The following SP140L variants were observed in gnomAD, a reference collection of about 807,000 sequenced individuals.
SP140L encodes SP140 like nuclear body protein.
In SP140L, 64 loss-of-function variants were observed where a neutral mutation model predicts 84.3. The ratio of observed to expected loss-of-function variants is 0.76; its 90% CI spans 0.62 to 0.94. The LOEUF is 0.94. Among genes scored for constraint, SP140L ranks in the 40% least tolerant of loss-of-function variants. The probability of loss-of-function intolerance (pLI) is 0.00; values close to 1 mark genes in which losing one functional copy is unlikely to be tolerated. For missense variants in SP140L, 628 were observed against 692.5 expected (o/e 0.91, Z 1.05); for synonymous variants, 242 against 236.9 (o/e 1.02, Z -0.20).
At chr2:230,359,626 A>T (rs1300798588) in intron 4 of SP140L, among the ~76,000 whole-genome samples, 1 of 152,180 alleles carries the variant, frequency 6.6e-6, no homozygotes, top group Non-Finnish European at 1.5e-5. Flanking sequence ...TCTGAGTTAT[A>T]AGAGTTATCA....
rs2059649916 is a variant in SP140L, at chr2:230,328,828, AAAGGTGATG to A, written c.107+1_107+9del. On this transcript the variant is annotated splice_donor_variant and splice_donor_5th_base_variant and coding_sequence_variant and intron_variant, in exon 2 of 19. Coordinates refer to ENST00000415673, the MANE Select transcript of SP140L (RefSeq NM_138402.6). LOFTEE classifies it high-confidence loss of function. Reference sequence around the variant, plus strand: ...CTTCCTGCACACAGCCAAAGTCTGCAAAGGTGATGAAGAATTACAATTTGTTTTAATTTG... The same window carrying A: ...CTTCCTGCACACAGCCAAAGTCTGCAAAGAATTACAATTTGTTTTAATTTG... 1 of 1,607,338 alleles carries A rather than the reference AAAGGTGATG, an allele frequency of 6.2e-7. No individual in the cohort carries two copies. Among genetic ancestry groups the A allele is most frequent in the African/African-American group, 1.3e-5 (1 of 74,812 alleles).
chr2:230,392,352 C>T lies in SP140L; in HGVS notation c.1107+123C>T. The T allele has an allele frequency of 5.5e-6, 8 of 1,454,422 alleles. No individual in the cohort carries two copies. The South Asian group carries it at 8.0e-5, about 15-fold the overall frequency. 90.1% of individuals were successfully genotyped at this position (1,454,422 alleles called of 1,614,324 possible). A position where few individuals can be genotyped will look rare whatever the true frequency, so the allele number is the denominator to read the frequency against. On this transcript the variant is annotated intron_variant, in intron 12 of 18. Coordinates refer to ENST00000415673, the MANE Select transcript of SP140L (RefSeq NM_138402.6). ...AAAGCCTTGATGCCAGTGAGTTTAT[C>T]CTCTCACTCAGGAGAGAGGGACCCC...
intron 2 of SP140L, among the ~76,000 whole-genome samples, chr2:230,354,885 G>GAAAGAAAGA (rs1575466343): frequency 8.0e-6 from 1 of 124,408 alleles, no homozygotes; most frequent in East Asian, 2.3e-4. Flanking sequence ...AAGAAAGAAA[G>GAAAGAAAGA]AAAGAAAGAA....
chr2:230,353,722 C>T (rs2060435173), intron 2 of SP140L, among the ~76,000 whole-genome samples: 1 of 151,994 alleles, frequency 6.6e-6, no homozygotes, highest in Non-Finnish European at 1.5e-5. Context: ...AGGATCATTT[C>T]TTCATGTATA....
rs1330603910 is a variant in SP140L, at chr2:230,400,941, G to T, written c.1314-14G>T. On this transcript the variant is annotated splice_polypyrimidine_tract_variant and intron_variant, in intron 15 of 18. Coordinates refer to ENST00000415673, the MANE Select transcript of SP140L (RefSeq NM_138402.6). ...AGCTCCCTGCCCTCTGCTCACCCAT[G>T]TCCAATCTCTCAGGACCCCGTGGAA... 10 of 1,494,554 alleles carry T rather than the reference G, an allele frequency of 6.7e-6. No homozygotes were observed. The highest frequency in any genetic ancestry group is 2.0e-5 in the Admixed American group (1 of 50,328). The allele number at this position is 1,494,554 out of a possible 1,614,324, so 92.6% of individuals were successfully genotyped here.
At chr2:230,402,452 G>A (rs1184556805) in intron 18 of SP140L, among the ~76,000 whole-genome samples, 1 of 152,206 alleles carries the variant, frequency 6.6e-6, no homozygotes, top group Non-Finnish European at 1.5e-5. Context: ...GAGTTTTCAA[G>A]TTTAATCTGG....
intron 13 of SP140L, among the ~76,000 whole-genome samples, chr2:230,394,562 C>T (rs1239037975): frequency 2.0e-5 from 3 of 152,206 alleles, no homozygotes; most frequent in African/African-American, 4.8e-5. Context: ...ACACTAAAGA[C>T]CAGCAACTCT....
intron 5 of SP140L, 40 bp from the exon 6 acceptor site, chr2:230,370,868 T>C (rs548820499): frequency 6.2e-7 from 1 of 1,600,638 alleles, no homozygotes; most frequent in Admixed American, 1.7e-5. Flanking sequence ...GCGACCAGCA[T>C]GTGAAAATGA....
At chr2:230,339,296 T>A (rs376116029) in intron 2 of SP140L, among the ~76,000 whole-genome samples, 17,846 of 130,906 alleles carry the variant, frequency 0.14, 775 homozygotes, top group African/African-American at 0.19. Context: ...AGGTGTTTGT[T>A]GTATTCTCTG....
chr2:230,384,314 G>A (rs1288770405), intron 8 of SP140L, among the ~76,000 whole-genome samples: 1 of 152,108 alleles, frequency 6.6e-6, no homozygotes, highest in African/African-American at 2.4e-5. Context: ...GCTATCTCTA[G>A]ATGATGATGT....
chr2:230,329,940 T>C (rs1483294074), intron 2 of SP140L, among the ~76,000 whole-genome samples: 2 of 152,206 alleles, frequency 1.3e-5, no homozygotes, highest in Non-Finnish European at 2.9e-5. Flanking sequence ...ATTTTGTTCA[T>C]TTCTCGTTCA....
At chr2:230,350,503 T>G (rs988592860) in intron 2 of SP140L, among the ~76,000 whole-genome samples, 3 of 152,252 alleles carry the variant, frequency 2.0e-5, no homozygotes, top group African/African-American at 7.2e-5. Flanking sequence ...TAAATACTTC[T>G]GTATTTATGA....
At chr2:230,343,124 G>A (rs2060108725) in intron 2 of SP140L, among the ~76,000 whole-genome samples, 1 of 117,782 alleles carries the variant, frequency 8.5e-6, no homozygotes, top group Non-Finnish European at 1.9e-5. Flanking sequence ...TACATGTGCA[G>A]GATGTGCAGG....
intron 2 of SP140L, 85 bp from the exon 3 acceptor site, chr2:230,357,720 T>C (rs1223827217): frequency 1.6e-5 from 22 of 1,366,866 alleles, no homozygotes; most frequent in Non-Finnish European, 2.2e-5. Flanking sequence ...CTTCATAGCT[T>C]ATCCGTTATA....
intron 2 of SP140L, among the ~76,000 whole-genome samples, chr2:230,357,102 T>G (rs779377089): frequency 1.7e-4 from 26 of 152,190 alleles, no homozygotes; most frequent in Non-Finnish European, 3.1e-4. Context: ...GAGACTCAGC[T>G]TTAAAATTGC....
chr2:230,376,599 A>G (rs1016011230), intron 7 of SP140L, among the ~76,000 whole-genome samples: 4 of 152,222 alleles, frequency 2.6e-5, no homozygotes, highest in African/African-American at 9.6e-5. Flanking sequence ...ATGGAAAGAC[A>G]TATCCTGTTC....
At chr2:230,376,271 G>GA (rs1292714476) in intron 7 of SP140L, among the ~76,000 whole-genome samples, 2 of 151,598 alleles carry the variant, frequency 1.3e-5, no homozygotes, top group Admixed American at 1.3e-4. Context: ...AATTAGGCAA[G>GA]AAAAAAAAGT....
chr2:230,375,357 A>G (rs913703599), intron 7 of SP140L, among the ~76,000 whole-genome samples: 2 of 152,172 alleles, frequency 1.3e-5, no homozygotes, highest in Non-Finnish European at 2.9e-5. Context: ...TTATGCTGCA[A>G]TGAACATGGG....
intron 2 of SP140L, among the ~76,000 whole-genome samples, chr2:230,343,732 C>T (rs971570612): frequency 2.6e-5 from 4 of 152,188 alleles, no homozygotes; most frequent in Non-Finnish European, 5.9e-5. Context: ...TGCAACCTCA[C>T]CAGCATCTAT....
Sources: allele counts gnomAD v4.1 joint callset (sites outside exome capture counted in the v4.1 genomes callset), GRCh38; gene constraint gnomAD v4.1.1; transcripts MANE v1.5; gene names NCBI Gene and HGNC (gene_info 2026-07-23, HGNC 2026-07-21).